The following RBFOX3 variants were observed in gnomAD, a reference collection of about 807,000 sequenced individuals.
RBFOX3 encodes RNA binding fox-1 homolog 3, also known as RNA binding protein fox-1 homolog 3.
RBFOX3 carries 17 observed loss-of-function variants against 48.7 expected under a neutral mutation model. The observed-to-expected ratio is 0.35, with a 90% CI of 0.24 to 0.52. The LOEUF (loss-of-function observed/expected upper bound fraction) is 0.52. RBFOX3 is among the 20% of genes least tolerant of loss of function. The pLI, the probability that RBFOX3 is intolerant of heterozygous loss-of-function variation, is 0.94. For synonymous variants in RBFOX3, 212 were observed against 209.5 expected (o/e 1.01, Z -0.10); for missense variants, 382 against 497.5 (o/e 0.77, Z 2.21).
intron 2 of RBFOX3, among the ~76,000 whole-genome samples, chr17:79,426,504 C>T (rs1415252014): frequency 6.6e-6 from 1 of 152,060 alleles, no homozygotes; most frequent in African/African-American, 2.4e-5. Flanking sequence ...TCCTTCCAGC[C>T]GATGGGGCAG....
chr17:79,556,041 G>A (rs2091729162), intron 1 of RBFOX3, among the ~76,000 whole-genome samples: 3 of 152,278 alleles, frequency 2.0e-5, no homozygotes, highest in African/African-American at 7.2e-5. Flanking sequence ...AAAAGAAATG[G>A]AAGATTCTAG....
intron 4 of RBFOX3, among the ~76,000 whole-genome samples, chr17:79,161,971 G>A (rs73999902): frequency 0.13 from 19,338 of 152,198 alleles, 1,858 homozygotes; most frequent in African/African-American, 0.26. Flanking sequence ...AGGCCCCAGC[G>A]GGACTTTTGG....
intron 1 of RBFOX3, among the ~76,000 whole-genome samples, chr17:79,524,829 C>T (rs1408291740): frequency 6.6e-6 from 1 of 152,142 alleles, no homozygotes; most frequent in Non-Finnish European, 1.5e-5. Flanking sequence ...GAATATGCCT[C>T]CGCCCCACAG....
chr17:79,295,709 C>T (rs1362980351), intron 3 of RBFOX3, among the ~76,000 whole-genome samples: 2 of 152,188 alleles, frequency 1.3e-5, no homozygotes, highest in Non-Finnish European at 2.9e-5. Flanking sequence ...CCCCTGCTCC[C>T]CCAGCACCCT....
At chr17:79,538,273 C>T (rs1252909654) in intron 1 of RBFOX3, among the ~76,000 whole-genome samples, 1 of 152,196 alleles carries the variant, frequency 6.6e-6, no homozygotes, top group Non-Finnish European at 1.5e-5. Context: ...GTGTGCCTGG[C>T]ACACAGCAGG....
chr17:79,268,781 A>G (rs2067181270), intron 3 of RBFOX3, among the ~76,000 whole-genome samples: 1 of 151,570 alleles, frequency 6.6e-6, no homozygotes, highest in Non-Finnish European at 1.5e-5. Flanking sequence ...CCTCATCCCA[A>G]CCTGTGCTGC....
intron 1 of RBFOX3, among the ~76,000 whole-genome samples, chr17:79,530,229 G>C (rs2087516427): frequency 6.6e-6 from 1 of 152,114 alleles, no homozygotes; most frequent in Admixed American, 6.5e-5. Context: ...ACTTTGCGGG[G>C]GCCAAGCTGG....
rs1418112031 is a variant in RBFOX3, at chr17:79,220,261, C to T, written c.-34+15505G>A. On this transcript the variant is annotated intron_variant, in intron 4 of 14. Transcript: ENST00000693108. The surrounding 1 kb of genome is among the most constrained non-coding windows in gnomAD (Gnocchi z 5.9). ...AGGGGAGGAGACCCAATCAGGGAAG[C>T]GGCCGCTGGCGGCAGGTTGGTGGGG... Among the ~76,000 whole-genome samples the T allele has an allele frequency of 2.0e-5, 3 of 152,232 alleles. No individual in the cohort carries two copies. The highest frequency in any genetic ancestry group is 4.4e-5 in the Non-Finnish European group (3 of 68,040).
intron 2 of RBFOX3, among the ~76,000 whole-genome samples, chr17:79,428,497 C>T (rs551242004): frequency 5.6e-4 from 86 of 152,370 alleles, no homozygotes; most frequent in South Asian, 1.9e-3. Flanking sequence ...GTCCCTAACA[C>T]GGGGCTGCTG....
the RBFOX3 span, among the ~76,000 whole-genome samples, chr17:79,625,554 G>A: frequency 2.0e-5 from 3 of 152,330 alleles, no homozygotes; most frequent in South Asian, 2.1e-4. Context: ...ATTTTGGGAG[G>A]CTGAGTGGGG....
the RBFOX3 span, among the ~76,000 whole-genome samples, chr17:79,618,943 G>A: frequency 2.6e-5 from 4 of 152,156 alleles, no homozygotes; most frequent in Non-Finnish European, 5.9e-5. Flanking sequence ...GATCACACTC[G>A]CCCAGTCGGG....
chr17:79,417,164 T>C (rs1282126754), intron 2 of RBFOX3, among the ~76,000 whole-genome samples: 1 of 152,182 alleles, frequency 6.6e-6, no homozygotes, highest in Non-Finnish European at 1.5e-5. Flanking sequence ...ACTGTGCCTA[T>C]GTCATCTGCA....
At chr17:79,131,089 CTG>C (rs772667105) in intron 4 of RBFOX3, among the ~76,000 whole-genome samples, 11 of 150,668 alleles carry the variant, frequency 7.3e-5, no homozygotes, top group Non-Finnish European at 7.4e-5. Context: ...CCCGTGTGTG[CTG>C]TGTGCCCCGT....
In RBFOX3 at chr17:79,471,691, C is replaced by T. The variant is rs1555757050; in HGVS notation, c.-175+10763G>A. On this transcript the variant is annotated intron_variant, in intron 2 of 14. Transcript: ENST00000693108. The surrounding 1 kb of genome is among the most constrained non-coding windows in gnomAD (Gnocchi z 4.0). ...GTGCTTTTTATAACAAGAAAGGACT[C>T]TGAACGTTGTCAGGTGAGTAGCACT... is the stretch of plus-strand genomic sequence containing the variant. Among the ~76,000 whole-genome samples the T allele has an allele frequency of 1.3e-5, 2 of 152,200 alleles. No individual in the cohort carries two copies. Among genetic ancestry groups the T allele is most frequent in the African/African-American group, 4.8e-5 (2 of 41,454 alleles).
intron 4 of RBFOX3, among the ~76,000 whole-genome samples, chr17:79,140,205 T>C (rs2041635680): frequency 1.3e-5 from 2 of 152,350 alleles, no homozygotes; most frequent in Middle Eastern, 3.4e-3. Flanking sequence ...GTGATCTCCA[T>C]TGTACAGGTG....
intron 1 of RBFOX3, among the ~76,000 whole-genome samples, chr17:79,553,881 C>T (rs893239090): frequency 3.1e-4 from 47 of 152,068 alleles, no homozygotes; most frequent in Non-Finnish European, 8.8e-5. Flanking sequence ...TATAGGCACC[C>T]ACCACCACAT....
chr17:79,531,648 G>A (rs1003856787), intron 1 of RBFOX3, among the ~76,000 whole-genome samples: 4 of 152,094 alleles, frequency 2.6e-5, no homozygotes, highest in Non-Finnish European at 5.9e-5. Flanking sequence ...AGCCTTGGCC[G>A]CCTCCCAAGG....
chr17:79,365,110 T>C (rs2057534694), intron 2 of RBFOX3, among the ~76,000 whole-genome samples: 1 of 150,744 alleles, frequency 6.6e-6, no homozygotes, highest in African/African-American at 2.4e-5. Flanking sequence ...ACACTTTAGT[T>C]TCTGCTCTGG....
In RBFOX3 at chr17:79,204,622, G is replaced by T. The variant is rs2057268856; in HGVS notation, c.-34+31144C>A. Among the ~76,000 whole-genome samples, 1 of 152,114 alleles carries T rather than the reference G, an allele frequency of 6.6e-6. No individual in the cohort carries two copies. Among genetic ancestry groups the T allele is most frequent in the Admixed American group, 6.5e-5 (1 of 15,278 alleles). The stretch of plus-strand genomic sequence containing the variant: ...ACTCTGTGTCCCAGAAGGGTATGGG[G>T]GACATTCCCTCCACTAAGGCAATAA... On this transcript the variant is annotated intron_variant, in intron 4 of 14. Coordinates refer to ENST00000693108, the MANE Select transcript of RBFOX3 (RefSeq NM_001350451.2). This position sits in a 1 kb window ranked among gnomAD's most constrained non-coding sequence, Gnocchi z 4.5.
Sources: gnomAD v4.1 joint callset for allele counts (sites outside exome capture counted in the v4.1 genomes callset) on GRCh38, gnomAD v4.1.1 for gene constraint, Gnocchi (gnomAD v3.1) non-coding constraint, MANE v1.5 for transcripts, NCBI Gene and HGNC (gene_info 2026-07-23, HGNC 2026-07-21) for gene names.